Variants in ZNF362 observed in about 807,000 individuals in gnomAD.
The protein encoded by ZNF362 is zinc finger protein 362.
In ZNF362, 11 loss-of-function variants were observed where a neutral mutation model predicts 42.9. The ratio of observed to expected loss-of-function variants is 0.26; its 90% CI spans 0.16 to 0.42. ZNF362 has a LOEUF of 0.42. ZNF362 is among the 20% of genes least tolerant of loss of function. The pLI is 1.00. For missense variants in ZNF362, 362 were observed against 576.2 expected, an observed-to-expected ratio of 0.63 and a Z score of 3.81; for synonymous variants, 255 against 257.3, an observed-to-expected ratio of 0.99 and a Z score of 0.09.
the ZNF362 span, among the ~76,000 whole-genome samples, chr1:33,193,891 C>G: frequency 5.9e-5 from 9 of 152,176 alleles, no homozygotes; most frequent in Admixed American, 1.3e-4. Context: ...TTGAGGTAGT[C>G]AGCCAACTGC....
chr1:33,295,365 G>GTTGCTT, intron 8 of ZNF362, 60 bp downstream of exon 8: 1 of 1,576,000 alleles, frequency 6.3e-7, no homozygotes, highest in African/African-American at 1.3e-5. Flanking sequence ...CCAGGCCTCA[G>GTTGCTT]TTGCTTCCCC....
At chr1:33,216,328 G>A in the ZNF362 span, among the ~76,000 whole-genome samples, 11 of 143,288 alleles carry the variant, frequency 7.7e-5, no homozygotes, top group African/African-American at 1.3e-4. Context: ...AGGGCCGGGC[G>A]CGATGGCTTA....
the ZNF362 span, among the ~76,000 whole-genome samples, chr1:33,244,508 A>T: frequency 6.6e-6 from 1 of 152,252 alleles, no homozygotes; most frequent in Admixed American, 6.5e-5. This position sits in a 1 kb window ranked among gnomAD's most constrained non-coding sequence, Gnocchi z 4.0. Context: ...GACCAAGGGG[A>T]CAAGGACATT....
upstream of ZNF362, among the ~76,000 whole-genome samples, chr1:33,254,641 A>G (rs1231693821): frequency 6.6e-6 from 1 of 152,196 alleles, no homozygotes; most frequent in Non-Finnish European, 1.5e-5. Flanking sequence ...GCACATATCA[A>G]CATGATTTGT....
chr1:33,192,252 C>G, the ZNF362 span, among the ~76,000 whole-genome samples: 1 of 152,196 alleles, frequency 6.6e-6, no homozygotes, highest in Non-Finnish European at 1.5e-5. Context: ...CTCCACATCT[C>G]TCAGATGTTA....
chr1:33,259,167 C>T (rs1055863492), intron 1 of ZNF362, among the ~76,000 whole-genome samples: 1 of 152,230 alleles, frequency 6.6e-6, no homozygotes, highest in Non-Finnish European at 1.5e-5. Context: ...CCCTGATCTC[C>T]TGCCTCCCTT....
the ZNF362 span, among the ~76,000 whole-genome samples, chr1:33,136,125 T>TG: frequency 7.7e-6 from 1 of 129,274 alleles, no homozygotes; most frequent in African/African-American, 2.9e-5. Flanking sequence ...CTTCCTTCCT[T>TG]CCTTCCTTCC....
At chr1:33,286,076 A>AG (rs372367863) in intron 6 of ZNF362, among the ~76,000 whole-genome samples, 24 of 152,316 alleles carry the variant, frequency 1.6e-4, no homozygotes, top group Admixed American at 3.3e-4. Context: ...AAACAAAAAA[A>AG]CAAAAAACAA....
chr1:33,191,816 C>G, the ZNF362 span, among the ~76,000 whole-genome samples: 1 of 152,186 alleles, frequency 6.6e-6, no homozygotes, highest in Non-Finnish European at 1.5e-5. Flanking sequence ...TTTCTTTAAG[C>G]AGAGATAGTA....
the ZNF362 span, among the ~76,000 whole-genome samples, chr1:33,236,138 T>G: frequency 6.6e-6 from 1 of 152,080 alleles, no homozygotes; most frequent in Non-Finnish European, 1.5e-5. Flanking sequence ...TAATACCTCC[T>G]TCACTAGGTG....
At chr1:33,247,950 C>G in the ZNF362 span, among the ~76,000 whole-genome samples, 5 of 152,236 alleles carry the variant, frequency 3.3e-5, no homozygotes, top group African/African-American at 1.2e-4. Context: ...TGGGTGAGGT[C>G]AAGTCCCCAG....
intron 6 of ZNF362, among the ~76,000 whole-genome samples, chr1:33,284,481 G>A (rs951522848): frequency 6.6e-6 from 1 of 152,198 alleles, no homozygotes; most frequent in Admixed American, 6.5e-5. Flanking sequence ...ACTTTGAAGA[G>A]TTTTTAGCTA....
the ZNF362 span, chr1:33,159,854 C>G: frequency 6.2e-6 from 10 of 1,613,440 alleles, no homozygotes; most frequent in Non-Finnish European, 5.1e-6. This position sits in a 1 kb window ranked among gnomAD's most constrained non-coding sequence, Gnocchi z 4.2. Flanking sequence ...GCCTCCAGCT[C>G]CTCTAGCATG....
chr1:33,182,577 C>T, the ZNF362 span, among the ~76,000 whole-genome samples: 1 of 149,612 alleles, frequency 6.7e-6, no homozygotes, highest in Admixed American at 6.7e-5. Context: ...CCTCCATTGG[C>T]AAACAATTCT....
chr1:33,231,872 C>A, the ZNF362 span, among the ~76,000 whole-genome samples: 2 of 152,156 alleles, frequency 1.3e-5, no homozygotes, highest in African/African-American at 2.4e-5. Context: ...TCATCCTGTC[C>A]TGACATCAAG....
the ZNF362 span, among the ~76,000 whole-genome samples, chr1:33,170,192 T>G: frequency 6.6e-6 from 1 of 151,946 alleles, no homozygotes; most frequent in Non-Finnish European, 1.5e-5. Context: ...TAGCCAGGCA[T>G]GGTGGTGGAT....
Position 33,294,873 on chromosome 1 carries a change from G to A in ZNF362, c.909-64G>A. 6.3e-7 allele frequency: 1 copy of A among 1,581,518 alleles called. No homozygotes were observed. Among genetic ancestry groups the A allele is most frequent in the Non-Finnish European group, 8.7e-7 (1 of 1,151,480 alleles). ...GGCTTAGGGGCCAGAGTAAGGACTT[G>A]GGAACTGGAGCGGTCTTGGGGTGTG... On this transcript the variant is annotated intron_variant, in intron 6 of 8. Coordinates refer to ENST00000539719, the MANE Select transcript of ZNF362 (RefSeq NM_152493.3). This position sits in a 1 kb window ranked among gnomAD's most constrained non-coding sequence, Gnocchi z 4.2.
chr1:33,296,791 T>G (rs370376966), intron 8 of ZNF362, among the ~76,000 whole-genome samples: 2 of 150,316 alleles, frequency 1.3e-5, no homozygotes, highest in African/African-American at 4.9e-5. Flanking sequence ...TCAGGTGGAA[T>G]GGGAAGCTAC....
chr1:33,294,501 C>T lies in ZNF362; in HGVS notation c.909-436C>T, dbSNP rs983156705. ...AGGGACAGGAAATAAGTGTCTGGGG[C>T]CAATTAGAGGGAGATGTCTCCTTCT... On this transcript the variant is annotated intron_variant, in intron 6 of 8. Transcript: ENST00000539719. The surrounding 1 kb of genome is among the most constrained non-coding windows in gnomAD (Gnocchi z 4.2). Among the ~76,000 whole-genome samples the T allele has an allele frequency of 1.3e-5, 2 of 152,086 alleles. No individual in the cohort carries two copies. Among genetic ancestry groups the T allele is most frequent in the Non-Finnish European group, 1.5e-5 (1 of 68,020 alleles).
Sources: gnomAD v4.1 joint callset for allele counts (sites outside exome capture counted in the v4.1 genomes callset) on GRCh38, gnomAD v4.1.1 for gene constraint, Gnocchi (gnomAD v3.1) non-coding constraint, MANE v1.5 for transcripts, NCBI Gene and HGNC (gene_info 2026-07-23, HGNC 2026-07-21) for gene names.